Variants in APPL2 observed in about 807,000 individuals in gnomAD.
APPL2 encodes adaptor protein, phosphotyrosine interacting with PH domain and leucine zipper 2, also known as DCC-interacting protein 13-beta.
APPL2 carries 84 observed loss-of-function variants against 92.7 expected under a neutral mutation model. The observed-to-expected ratio is 0.91, with a 90% CI of 0.76 to 1.09. APPL2 has a LOEUF of 1.09. Ranked by LOEUF, APPL2 falls within the 50% of genes least tolerant of loss-of-function variation. The pLI is 0.00. For missense variants in APPL2, 736 were observed against 824.5 expected (o/e 0.89, Z 1.31); for synonymous variants, 291 against 291.0 (o/e 1.00, Z 0.00).
intron 2 of APPL2, among the ~76,000 whole-genome samples, 161 bp downstream of exon 2, chr12:105,228,964 T>G (rs1411096655): frequency 1.3e-5 from 2 of 152,208 alleles, no homozygotes; most frequent in African/African-American, 4.8e-5. Flanking sequence ...AGACTGTCCT[T>G]AGGTTTTTGA....
intron 4 of APPL2, 107 bp downstream of exon 4, chr12:105,216,962 T>C: frequency 1.4e-6 from 1 of 727,042 alleles, no homozygotes; most frequent in South Asian, 1.9e-5. Context: ...TTGAGATACC[T>C]TCTCAGATAT....
chr12:105,226,389 G>A (rs562468044), intron 2 of APPL2, among the ~76,000 whole-genome samples: 61 of 152,228 alleles, frequency 4.0e-4, no homozygotes, highest in African/African-American at 1.4e-3. Context: ...AGGAGGAAGG[G>A]TTTCTGGCCA....
chr12:105,212,929 C>T (rs909429470), intron 4 of APPL2, among the ~76,000 whole-genome samples: 16 of 152,244 alleles, frequency 1.1e-4, no homozygotes, highest in African/African-American at 3.9e-4. Context: ...CAAGTCAAAG[C>T]ATGGCAGCTG....
rs1210050338 is a variant in APPL2, at chr12:105,195,301, TG to T, written c.1200del (p.Ile401LeufsTer17). 2 of 1,614,194 alleles carry T rather than the reference TG, an allele frequency of 1.2e-6. No homozygotes were observed. The highest frequency in any genetic ancestry group is 1.7e-6 in the Non-Finnish European group (2 of 1,180,034). ...TCTTGTTTTTTTCCAAAACTTGTAA[TG>T]GGAGTCACTGCTTGCAGAGCGGTCT... ...LNQTALQAVTPITSFGKKQES... is the reference protein window; with the variant it reads ...LNQTALQAVTXITSFGKKQES... On this transcript the variant is annotated frameshift_variant, in exon 14 of 21. Transcript: ENST00000258530. LOFTEE classifies it high-confidence loss of function.
At chr12:105,183,709 C>T (rs964228759) in intron 17 of APPL2, among the ~76,000 whole-genome samples, 1 of 152,112 alleles carries the variant, frequency 6.6e-6, no homozygotes, top group Non-Finnish European at 1.5e-5. Flanking sequence ...TCATTTCAAC[C>T]TTGGTGAATC....
intron 10 of APPL2, 27 bp downstream of exon 10, chr12:105,199,344 GAA>G (rs751053237): frequency 3.1e-6 from 5 of 1,596,456 alleles, no homozygotes; most frequent in Non-Finnish European, 4.3e-6. Flanking sequence ...ACGGATTTCA[GAA>G]AAAGAGGCAG....
At chr12:105,225,194 A>C (rs527386351) in intron 2 of APPL2, among the ~76,000 whole-genome samples, 9 of 152,050 alleles carry the variant, frequency 5.9e-5, no homozygotes, top group Non-Finnish European at 1.0e-4. Flanking sequence ...AATCTCATAC[A>C]AACTGAAGGT....
At position 105,229,221 on chromosome 12, in the gene APPL2, A is replaced by G. The variant is rs1297919307; in HGVS notation, c.57T>C (p.Thr19=). The G allele has an allele frequency of 6.2e-7, 1 of 1,612,320 alleles. No individual in the cohort carries two copies. The highest frequency in any genetic ancestry group is 8.5e-7 in the Non-Finnish European group (1 of 1,179,220). Residue 19 remains threonine (T), a splice_region_variant and synonymous_variant, in exon 2 of 21, where the codon ACT becomes ACC. Coordinates refer to ENST00000258530, the MANE Select transcript of APPL2 (RefSeq NM_018171.5). ...CTTCAAACACGCTCAGTAAAGAGCGAGTCTGGAAGAAAAGAAGAAAAAAGG... is the reference window on the plus strand; with the variant it reads ...CTTCAAACACGCTCAGTAAAGAGCGGGTCTGGAAGAAAAGAAGAAAAAAGG... ...LEEALQDSPQ[T]RSLLSVFEED...
Position 105,174,244 on chromosome 12 carries a change from T to C in APPL2, c.*70A>G. 6.4e-7 allele frequency: 1 copy of C among 1,559,380 alleles called. No individual in the cohort carries two copies. The highest frequency in any genetic ancestry group is 8.7e-7 in the Non-Finnish European group (1 of 1,152,750). The stretch of plus-strand genomic sequence containing the variant: ...GAAATCAGGTCAGTGTGCCTGTATG[T>C]CAGAGACGTTAAAACCCTTAGGAGG... On this transcript the variant is annotated 3_prime_UTR_variant, in exon 21 of 21. Coordinates refer to ENST00000258530, the MANE Select transcript of APPL2 (RefSeq NM_018171.5).
Position 105,232,339 on chromosome 12 carries a change from A to C in APPL2, c.55-3116T>G, listed in dbSNP as rs978301337. ...CAGCTCCCTATCACTCCTTTACCTT[A>C]AAGAAACTGGGTATTACCTAATAAA... On this transcript the variant is annotated intron_variant, in intron 1 of 20. Transcript: ENST00000258530. 7.2e-5 allele frequency among the ~76,000 whole-genome samples: 11 copies of C among 152,186 alleles called. No homozygotes were observed. In the South Asian group the frequency reaches 2.3e-3, roughly 31 times the overall value.
intron 5 of APPL2, 81 bp downstream of exon 5, chr12:105,211,149 G>T: frequency 9.7e-7 from 1 of 1,027,294 alleles, no homozygotes; most frequent in Non-Finnish European, 1.5e-6. Flanking sequence ...TCCACACATT[G>T]AAAGAAATGC....
chr12:105,174,530 T>C lies in APPL2; in HGVS notation c.1861-82A>G, dbSNP rs1885297227. The stretch of plus-strand genomic sequence containing the variant: ...CCCTTTGGCCTGGCTTTCAATATGT[T>C]CTGTAATCTAGTCTTGTTTCTCCTG... On this transcript the variant is annotated intron_variant, in intron 20 of 20. Coordinates refer to ENST00000258530, the MANE Select transcript of APPL2 (RefSeq NM_018171.5). 2.1e-6 allele frequency: 3 copies of C among 1,442,516 alleles called. 1 individual carries two copies. In the Admixed American group the frequency reaches 6.7e-5, roughly 32 times the overall value. The allele number at this position is 1,442,516 out of a possible 1,614,324, so 89.4% of individuals were successfully genotyped here.
chr12:105,190,221 G>A (rs1887086485), intron 14 of APPL2, 66 bp from the exon 15 acceptor site: 3 of 1,503,056 alleles, frequency 2.0e-6, no homozygotes, highest in Admixed American at 2.0e-5. Context: ...ACTTGTTGAA[G>A]GCTGAGGTGA....
chr12:105,177,284 T>G, intron 17 of APPL2, 22 bp from the exon 18 acceptor site: 1 of 1,608,086 alleles, frequency 6.2e-7, no homozygotes, highest in Non-Finnish European at 8.5e-7. Context: ...AAAGATACAT[T>G]ATGTCACAAA....
At chr12:105,178,724 C>A (rs1482307285) in intron 17 of APPL2, among the ~76,000 whole-genome samples, 4 of 152,172 alleles carry the variant, frequency 2.6e-5, no homozygotes, top group Admixed American at 2.6e-4. Flanking sequence ...TAAGAACCCC[C>A]ACTTCCAAGA....
chr12:105,217,546 CA>C (rs1236652769), intron 3 of APPL2, 119 bp downstream of exon 3: 4 of 981,042 alleles, frequency 4.1e-6, no homozygotes, highest in Admixed American at 2.5e-5. Context: ...AAAGACAGGA[CA>C]AAAAAACTAT....
intron 20 of APPL2, 141 bp downstream of exon 20, chr12:105,175,893 TG>T: frequency 1.4e-6 from 1 of 715,272 alleles, no homozygotes; most frequent in Non-Finnish European, 2.2e-6. Context: ...AAACCTCTGG[TG>T]GTTAGAATAC....
intron 9 of APPL2, among the ~76,000 whole-genome samples, chr12:105,201,269 G>A (rs1014807155): frequency 1.8e-4 from 27 of 152,194 alleles, no homozygotes; most frequent in African/African-American, 6.3e-4. Context: ...GGGATGATGA[G>A]GGACTCTACC....
rs758730830 is a variant in APPL2, at chr12:105,176,973, T to A, written c.1715A>T (p.Asn572Ile). 1 of 1,614,100 alleles carries A rather than the reference T, an allele frequency of 6.2e-7. No homozygotes were observed. The highest frequency in any genetic ancestry group is 8.5e-7 in the Non-Finnish European group (1 of 1,180,008). ...SVTQFAAHQE[N>I]KRLVGFVIRV... Reference sequence around the variant, plus strand: ...GATGACAAAACCAACCAGTCTCTTGTTTTCTTGATGAGCAGCAAATTGTGT... The same window carrying A: ...GATGACAAAACCAACCAGTCTCTTGATTTCTTGATGAGCAGCAAATTGTGT... The change falls in exon 19 of 21, where the codon AAC becomes ATC. Residue 572 changes from asparagine to isoleucine, a missense_variant. By Grantham distance (149) the Asn-to-Ile change is moderately radical. Coordinates refer to ENST00000258530, the MANE Select transcript of APPL2 (RefSeq NM_018171.5).
Sources: gnomAD v4.1 joint callset for allele counts (sites outside exome capture counted in the v4.1 genomes callset) on GRCh38, gnomAD v4.1.1 for gene constraint, MANE v1.5 for transcripts, NCBI Gene and HGNC (gene_info 2026-07-23, HGNC 2026-07-21) for gene names.